Variants in BCL6 observed in about 807,000 individuals in gnomAD.
BCL6 encodes B-cell lymphoma 6 protein.
A neutral mutation model predicts 59.5 loss-of-function variants in BCL6; 7 were observed. The observed-to-expected ratio is 0.12, with a 90% CI of 0.07 to 0.22. BCL6 has a LOEUF of 0.22. Ranked by LOEUF, BCL6 falls within the 10% of genes least tolerant of loss-of-function variation. BCL6 has a pLI of 1.00. For synonymous variants in BCL6, 339 were observed against 349.7 expected (o/e 0.97, Z 0.34); for missense variants, 685 against 939.4 (o/e 0.73, Z 3.54).
intron 1 of BCL6, among the ~76,000 whole-genome samples, chr3:187,744,441 G>T (rs573684708): frequency 2.0e-5 from 3 of 152,070 alleles, no homozygotes; most frequent in East Asian, 1.9e-4. Flanking sequence ...TTTTCAAAGT[G>T]TTCAACATCC....
Position 187,729,073 on chromosome 3 carries a change from G to T in BCL6, c.1332C>A (p.Ser444Arg). Reference protein sequence around the residue: ...SGEDSTIPQASRLNNIVNRSM... With the variant: ...SGEDSTIPQARRLNNIVNRSM... The stretch of plus-strand genomic sequence containing the variant: ...ACCTGTTAACGATGTTATTGAGCCG[G>T]CTGGCTTGTGGGATGGTGGAGTCCT... The change falls in exon 5 of 10, where the codon AGC (serine) becomes AGA (arginine). Residue 444 changes from serine (S) to arginine (R), a missense_variant. Physicochemically the swap from Ser to Arg is moderately radical, Grantham distance 110 (BLOSUM62 -1). This residue lies in a region of BCL6 where 207 missense variants were observed against 213.7 expected (regional missense o/e 0.97). Coordinates refer to ENST00000406870, the MANE Select transcript of BCL6 (RefSeq NM_001706.5). The surrounding 1 kb of genome is among the most constrained non-coding windows in gnomAD (Gnocchi z 5.6). The T allele has an allele frequency of 6.5e-7, 1 of 1,529,256 alleles. No individual in the cohort carries two copies. The highest frequency in any genetic ancestry group is 1.3e-5 in the South Asian group (1 of 76,568). The allele number at this position is 1,529,256 out of a possible 1,614,324, so 94.7% of individuals were successfully genotyped here.
chr3:187,743,424 G>C (rs1310267406), intron 1 of BCL6, among the ~76,000 whole-genome samples: 1 of 152,070 alleles, frequency 6.6e-6, no homozygotes, highest in African/African-American at 2.4e-5. Flanking sequence ...TCAGCACCTG[G>C]TTTGGGGTCA....
intron 1 of BCL6, among the ~76,000 whole-genome samples, chr3:187,744,717 T>C (rs1266083956): frequency 6.6e-6 from 1 of 152,050 alleles, no homozygotes; most frequent in Admixed American, 6.5e-5. Context: ...GCCTCCCTTT[T>C]TGCCTCCCGG....
chr3:187,741,631 C>A (rs1285047200), intron 1 of BCL6, among the ~76,000 whole-genome samples: 5 of 152,178 alleles, frequency 3.3e-5, no homozygotes, highest in African/African-American at 1.2e-4. Flanking sequence ...ACGCTGCACC[C>A]TCGCTGTGCT....
chr3:187,745,321 T>A (rs544385704), intron 1 of BCL6, 89 bp downstream of exon 1: 1 of 400,900 alleles, frequency 2.5e-6, no homozygotes, highest in East Asian at 3.6e-5. Context: ...ATAATGATCA[T>A]GAGCAGCGGC....
intron 1 of BCL6, among the ~76,000 whole-genome samples, chr3:187,742,249 T>A (rs1711633177): frequency 6.6e-6 from 1 of 152,278 alleles, no homozygotes; most frequent in East Asian, 1.9e-4. Context: ...CACAACAAAG[T>A]GGGTTGTGAG....
chr3:187,743,577 G>C (rs1711702223), intron 1 of BCL6, among the ~76,000 whole-genome samples: 2 of 152,162 alleles, frequency 1.3e-5, no homozygotes, highest in African/African-American at 4.8e-5. Flanking sequence ...CCATGGGGGA[G>C]CTTTAAAACT....
chr3:187,733,812 G>T, intron 2 of BCL6, 109 bp from the exon 3 acceptor site: 1 of 1,137,370 alleles, frequency 8.8e-7, no homozygotes, highest in South Asian at 1.3e-5. Flanking sequence ...TGCAACTCAG[G>T]TCCCTTGTAT....
intron 3 of BCL6, 74 bp downstream of exon 3, chr3:187,733,459 T>A (rs373033697): frequency 3.9e-6 from 6 of 1,536,234 alleles, no homozygotes; most frequent in African/African-American, 1.4e-5. Context: ...AAGGCCCACA[T>A]GTTCTGCCTT....
At chr3:187,737,385 GAGA>G (rs1719338279) in intron 1 of BCL6, 1 of 144,370 alleles carries the variant, frequency 6.9e-6, no homozygotes, top group Non-Finnish European at 1.5e-5. Context: ...GAGAGAGAGA[GAGA>G]GAGAGAGAAA....
rs1718477856 is a variant in BCL6, at chr3:187,722,611, T to C, written c.1978-10A>G. 1 of 1,610,316 alleles carries C rather than the reference T, an allele frequency of 6.2e-7. No homozygotes were observed. The highest frequency in any genetic ancestry group is 8.5e-7 in the Non-Finnish European group (1 of 1,178,082). Reference sequence around the variant, plus strand: ...GGTTACACTTCTCACACTGCAGGGATATCAGAGGCAAACTGTTAGCTGTCA... The same window carrying C: ...GGTTACACTTCTCACACTGCAGGGACATCAGAGGCAAACTGTTAGCTGTCA... On this transcript the variant is annotated splice_polypyrimidine_tract_variant and intron_variant, in intron 9 of 9. Coordinates refer to ENST00000406870, the MANE Select transcript of BCL6 (RefSeq NM_001706.5).
intron 1 of BCL6, 114 bp from the exon 2 acceptor site, chr3:187,735,021 C>A (rs1719222363): frequency 6.6e-6 from 1 of 152,536 alleles, no homozygotes; most frequent in Non-Finnish European, 1.5e-5. Context: ...TTGCAGCTTG[C>A]CAGCTGGTGT....
chr3:187,733,467 C>T, intron 3 of BCL6, 66 bp downstream of exon 3: 1 of 1,569,812 alleles, frequency 6.4e-7, no homozygotes. Context: ...CATGTTCTGC[C>T]TTGCTTGGCT....
Position 187,729,072 on chromosome 3 carries a change from G to A in BCL6, c.1333C>T (p.Arg445Trp), listed in dbSNP as rs967749286. 1.6e-5 allele frequency: 25 copies of A among 1,528,884 alleles called. No individual in the cohort carries two copies. In the South Asian group the frequency reaches 2.4e-4, roughly 14 times the overall value. The allele number at this position is 1,528,884 out of a possible 1,614,324, so 94.7% of individuals were successfully genotyped here. ...CACCTGTTAACGATGTTATTGAGCC[G>A]GCTGGCTTGTGGGATGGTGGAGTCC... ...GEDSTIPQAS[R>W]LNNIVNRSMT... Residue 445 changes from arginine to tryptophan, a missense_variant, in exon 5 of 10, where the codon CGG becomes TGG. Coordinates refer to ENST00000406870, the MANE Select transcript of BCL6 (RefSeq NM_001706.5). The surrounding 1 kb of genome is among the most constrained non-coding windows in gnomAD (Gnocchi z 5.6).
chr3:187,731,245 C>G (rs1243693279), intron 4 of BCL6, among the ~76,000 whole-genome samples: 1 of 152,112 alleles, frequency 6.6e-6, no homozygotes, highest in African/African-American at 2.4e-5. Flanking sequence ...AGCTCACAGT[C>G]TGGTCGGGAA....
Position 187,730,005 on chromosome 3 carries a change from A to G in BCL6, c.400T>C (p.Ser134Pro), listed in dbSNP as rs1210690719. 1 of 1,569,962 alleles carries G rather than the reference A, an allele frequency of 6.4e-7. No individual in the cohort carries two copies. The highest frequency in any genetic ancestry group is 1.2e-5 in the South Asian group (1 of 84,724). ...FIKASEAEMV[S>P]AIKPPREEFL... ...TCTTCACGAGGAGGCTTGATGGCAG[A>G]AACCATCTCTGCTTCACTGTGAAAG... is the stretch of plus-strand genomic sequence containing the variant. The change falls in exon 5 of 10, where the codon TCT becomes CCT. Residue 134 changes from serine (S) to proline (P), a missense_variant. Physicochemically the swap from Ser to Pro is moderately conservative, Grantham distance 74 (BLOSUM62 -1). This residue lies in a region of BCL6 where 268 missense variants were observed against 263.8 expected (regional missense o/e 1.02). Transcript: ENST00000406870.
chr3:187,722,512 C>A lies in BCL6; in HGVS notation c.2067G>T (p.Val689=), dbSNP rs888025733. ...GGTCAGTGGCTGACACGCGGTATTG[C>A]ACCTTGGTGTTGGTGATGGCGCCAT... is the stretch of plus-strand genomic sequence containing the variant. ...QKHGAITNTK[V]QYRVSATDLP... Residue 689 remains valine, a synonymous_variant, in exon 10 of 10, where the codon GTG becomes GTT. Transcript: ENST00000406870. 1 of 1,614,044 alleles carries A rather than the reference C, an allele frequency of 6.2e-7. No individual in the cohort carries two copies.
chr3:187,742,433 C>A (rs1711640601), intron 1 of BCL6, among the ~76,000 whole-genome samples: 1 of 152,316 alleles, frequency 6.6e-6, no homozygotes, highest in Middle Eastern at 3.4e-3. Flanking sequence ...TTCAAGAAAG[C>A]ATTGGTATAA....
intron 1 of BCL6, among the ~76,000 whole-genome samples, chr3:187,742,809 T>C (rs2108481208): frequency 6.6e-6 from 1 of 152,294 alleles, no homozygotes; most frequent in East Asian, 1.9e-4. Context: ...TTCGTCTTTT[T>C]TAAAAAAGTA....
Sources: gnomAD v4.1 joint callset for allele counts (sites outside exome capture counted in the v4.1 genomes callset) on GRCh38, gnomAD v4.1.1 for gene constraint, gnomAD v4.1.1 regional missense constraint, Gnocchi (gnomAD v3.1) non-coding constraint, MANE v1.5 for transcripts, NCBI Gene and HGNC (gene_info 2026-07-23, HGNC 2026-07-21) for gene names.